TMEM178B: variants seen among roughly 807,000 people sequenced by gnomAD.
The protein encoded by TMEM178B is transmembrane protein 178B.
In TMEM178B, 5 loss-of-function variants were observed where a neutral mutation model predicts 31.0. The ratio of observed to expected loss-of-function variants is 0.16; its 90% CI spans 0.08 to 0.34. TMEM178B has a LOEUF of 0.34. Among genes scored for constraint, TMEM178B ranks in the 10% least tolerant of loss-of-function variants. The pLI, the probability that TMEM178B is intolerant of heterozygous loss-of-function variation, is 1.00. For missense variants in TMEM178B, 275 were observed against 400.3 expected (o/e 0.69, Z 2.67); for synonymous variants, 164 against 164.0 (o/e 1.00, Z 0.00).
At chr7:141,251,893 A>C (rs1409451707) in intron 2 of TMEM178B, among the ~76,000 whole-genome samples, 1 of 152,170 alleles carries the variant, frequency 6.6e-6, no homozygotes. Context: ...CCTAGGGTGC[A>C]AGGGGGAAGT....
intron 2 of TMEM178B, among the ~76,000 whole-genome samples, chr7:141,320,393 A>G (rs532466082): frequency 1.5e-4 from 23 of 152,268 alleles, no homozygotes; most frequent in African/African-American, 5.5e-4. Context: ...CCAGGCATGC[A>G]TATTTGAGCT....
intron 2 of TMEM178B, among the ~76,000 whole-genome samples, chr7:141,317,117 C>T (rs1055907354): frequency 1.3e-5 from 2 of 152,126 alleles, no homozygotes; most frequent in Non-Finnish European, 2.9e-5. Context: ...GTTTATCCTA[C>T]ATCTGTCTTG....
chr7:141,289,714 C>CAAA (rs35000633), intron 2 of TMEM178B, among the ~76,000 whole-genome samples: 4,500 of 92,054 alleles, frequency 0.049, 315 homozygotes, highest in African/African-American at 0.17. Context: ...GACCCTGTCT[C>CAAA]AAAAAAAAAA....
At chr7:141,256,249 A>C in intron 2 of TMEM178B, among the ~76,000 whole-genome samples, 1 of 152,254 alleles carries the variant, frequency 6.6e-6, no homozygotes, top group South Asian at 2.1e-4. Flanking sequence ...AGTAAACTTA[A>C]ATTAAAAGAA....
intron 2 of TMEM178B, among the ~76,000 whole-genome samples, chr7:141,250,255 C>A (rs1042169345): frequency 1.3e-5 from 2 of 152,190 alleles, no homozygotes; most frequent in African/African-American, 4.8e-5. Flanking sequence ...ACCTTTACAG[C>A]ACTCATGCAC....
At chr7:141,455,705 C>T (rs1042215575) in intron 3 of TMEM178B, among the ~76,000 whole-genome samples, 3 of 152,254 alleles carry the variant, frequency 2.0e-5, no homozygotes, top group African/African-American at 7.2e-5. Flanking sequence ...ATATTATAAA[C>T]ATTACATGCA....
At chr7:141,438,643 G>T (rs1365591806) in intron 3 of TMEM178B, among the ~76,000 whole-genome samples, 3 of 140,880 alleles carry the variant, frequency 2.1e-5, no homozygotes, top group Non-Finnish European at 4.5e-5. Flanking sequence ...GGTGGATCAT[G>T]AGGTCAGGAG....
chr7:141,084,942 G>A (rs1170314392), intron 1 of TMEM178B, among the ~76,000 whole-genome samples: 1 of 151,880 alleles, frequency 6.6e-6, no homozygotes, highest in Non-Finnish European at 1.5e-5. Flanking sequence ...GCAATGGCAC[G>A]ATCTCGGCTC....
At chr7:141,170,094 A>G (rs1445328474) in intron 1 of TMEM178B, among the ~76,000 whole-genome samples, 1 of 152,242 alleles carries the variant, frequency 6.6e-6, no homozygotes. Flanking sequence ...TACAGCTGCA[A>G]TAAACATTAT....
intron 2 of TMEM178B, among the ~76,000 whole-genome samples, chr7:141,396,652 C>T (rs1014376001): frequency 1.3e-5 from 2 of 152,212 alleles, no homozygotes; most frequent in African/African-American, 4.8e-5. Flanking sequence ...CTAGAGGCTG[C>T]TCCATATGTG....
chr7:141,169,573 G>A (rs1796316405), intron 1 of TMEM178B, among the ~76,000 whole-genome samples: 1 of 152,184 alleles, frequency 6.6e-6, no homozygotes, highest in Non-Finnish European at 1.5e-5. Flanking sequence ...GGCTCTTGGG[G>A]TAATCAAGGC....
intron 2 of TMEM178B, among the ~76,000 whole-genome samples, chr7:141,359,515 C>A (rs891532421): frequency 6.6e-6 from 1 of 152,196 alleles, no homozygotes; most frequent in Non-Finnish European, 1.5e-5. Flanking sequence ...TGTAAACAAT[C>A]GTGATGATAA....
At chr7:141,118,840 A>G (rs1795365497) in intron 1 of TMEM178B, among the ~76,000 whole-genome samples, 1 of 152,214 alleles carries the variant, frequency 6.6e-6, no homozygotes, top group Non-Finnish European at 1.5e-5. Flanking sequence ...AGCAAAACCA[A>G]AAGGGTCTTG....
chr7:141,395,326 A>C lies in TMEM178B; in HGVS notation c.497-42282A>C, dbSNP rs555287003. Among the ~76,000 whole-genome samples the C allele has an allele frequency of 1.1e-4, 16 of 152,328 alleles. No homozygotes were observed. In the East Asian group the frequency reaches 3.1e-3, roughly 29 times the overall value. On this transcript the variant is annotated intron_variant, in intron 2 of 3. Coordinates refer to ENST00000565468, the MANE Select transcript of TMEM178B (RefSeq NM_001195278.2). ...CTTGGTGATGAGTGCCTGTAGTCCC[A>C]GCCACTTGGGAGGCTGAGGCAGGAA...
chr7:141,192,126 T>C (rs1174975693), intron 1 of TMEM178B, among the ~76,000 whole-genome samples: 1 of 152,204 alleles, frequency 6.6e-6, no homozygotes, highest in Non-Finnish European at 1.5e-5. Context: ...TATTACTATA[T>C]AGTAAATTCC....
chr7:141,219,971 C>T (rs1797228364), intron 2 of TMEM178B, among the ~76,000 whole-genome samples: 1 of 152,016 alleles, frequency 6.6e-6, no homozygotes, highest in African/African-American at 2.4e-5. Flanking sequence ...TTCAGGAGGC[C>T]TGCCCCAAGG....
At chr7:141,105,154 C>T (rs557725169) in intron 1 of TMEM178B, among the ~76,000 whole-genome samples, 1 of 152,110 alleles carries the variant, frequency 6.6e-6, no homozygotes, top group Non-Finnish European at 1.5e-5. Context: ...AAAGGAAGGG[C>T]CAGCTGGCTA....
Position 141,085,362 on chromosome 7 carries a change from C to A in TMEM178B, c.382+10670C>A, listed in dbSNP as rs530158592. On this transcript the variant is annotated intron_variant, in intron 1 of 3. Transcript: ENST00000565468. ...TGACCTTCCAGGAGTCACTAGGATT[C>A]ATCTACAGGTGATGTTTCCTCTGAG... 4.6e-5 allele frequency among the ~76,000 whole-genome samples: 7 copies of A among 152,100 alleles called. No homozygotes were observed. In the South Asian group the frequency reaches 1.5e-3, roughly 32 times the overall value.
At chr7:141,135,485 A>G (rs964192289) in intron 1 of TMEM178B, among the ~76,000 whole-genome samples, 5 of 152,204 alleles carry the variant, frequency 3.3e-5, no homozygotes, top group African/African-American at 1.2e-4. Context: ...TTAGGCCACA[A>G]ACCAAGTCTC....
Sources: allele counts gnomAD v4.1 joint callset (sites outside exome capture counted in the v4.1 genomes callset), GRCh38; gene constraint gnomAD v4.1.1; transcripts MANE v1.5; gene names NCBI Gene and HGNC (gene_info 2026-07-23, HGNC 2026-07-21).